The following FBXO46 variants were observed in gnomAD, a reference collection of about 807,000 sequenced individuals.
FBXO46 encodes the protein F-box protein 46.
Under a neutral mutation model 30.7 loss-of-function variants are expected in FBXO46, and 13 were observed. The observed-to-expected ratio is 0.42, with a 90% CI of 0.28 to 0.67. The LOEUF (loss-of-function observed/expected upper bound fraction) is 0.67, where lower values mean the gene tolerates loss of function less well. Among genes scored for constraint, FBXO46 ranks in the 30% least tolerant of loss-of-function variants. FBXO46 has a pLI of 0.21. For missense variants in FBXO46, 754 were observed against 871.5 expected, an observed-to-expected ratio of 0.87 and a Z score of 1.70; for synonymous variants, 467 against 385.8, an observed-to-expected ratio of 1.21 and a Z score of -2.47.
intron 1 of FBXO46, among the ~76,000 whole-genome samples, chr19:45,720,567 C>A (rs921847944): frequency 2.0e-5 from 3 of 152,204 alleles, no homozygotes; most frequent in African/African-American, 7.2e-5. Flanking sequence ...CTGTGCCCAG[C>A]CTATCCCAGC....
rs1312118839 is a variant in FBXO46 at position 45,711,847 on chromosome 19, T to C, written c.1649A>G (p.Lys550Arg). 1 of 1,613,498 alleles carries C rather than the reference T, an allele frequency of 6.2e-7. No individual in the cohort carries two copies. The highest frequency in any genetic ancestry group is 1.3e-5 in the African/African-American group (1 of 74,930). The change falls in exon 2 of 2, where the codon AAG becomes AGG. Residue 550 changes from lysine (K) to arginine (R), a missense_variant. Transcript: ENST00000317683. ...GDVSLCRWHP[K>R]PYHHDLPYGR... Reference sequence around the variant, plus strand: ...GTAAGGCAGGTCATGGTGGTAGGGCTTGGGGTGCCAGCGGCAGAGCGACAC... The same window carrying C: ...GTAAGGCAGGTCATGGTGGTAGGGCCTGGGGTGCCAGCGGCAGAGCGACAC...
At chr19:45,716,685 AAT>A (rs1968094781) in intron 1 of FBXO46, 1 of 136,988 alleles carries the variant, frequency 7.3e-6, no homozygotes, top group African/African-American at 2.9e-5. Context: ...AAACCATAAA[AAT>A]GTTTCACAAA....
At chr19:45,729,082 C>T (rs1968275759) in intron 1 of FBXO46, among the ~76,000 whole-genome samples, 1 of 150,984 alleles carries the variant, frequency 6.6e-6, no homozygotes, top group African/African-American at 2.4e-5. Flanking sequence ...GCCTGGGCAA[C>T]AAGAGCGAAA....
chr19:45,721,122 G>A (rs1968164777), intron 1 of FBXO46, among the ~76,000 whole-genome samples: 1 of 152,134 alleles, frequency 6.6e-6, no homozygotes. Context: ...GGGAAGCCGA[G>A]GCAGACAGAT....
At chr19:45,727,684 G>A (rs544215093) in intron 1 of FBXO46, among the ~76,000 whole-genome samples, 115 of 152,230 alleles carry the variant, frequency 7.6e-4, no homozygotes, top group African/African-American at 2.6e-3. Context: ...TCAACCATAA[G>A]CTTACTATCA....
Position 45,713,606 on chromosome 19 carries a change from G to A in FBXO46, c.-78-33C>T, listed in dbSNP as rs1313286450. 3.4e-6 allele frequency: 3 copies of A among 891,316 alleles called. No individual in the cohort carries two copies. The highest frequency in any genetic ancestry group is 5.1e-6 in the Non-Finnish European group (3 of 591,816). The allele number at this position is 891,316 out of a possible 1,614,324, so 55.2% of individuals were successfully genotyped here. ...CACGAAGAGGAGGTTGGGGAGCTAG[G>A]GGGACAGCCTTTCTTCCCAGGACCA... On this transcript the variant is annotated intron_variant, in intron 1 of 1. Coordinates refer to ENST00000317683, the MANE Select transcript of FBXO46 (RefSeq NM_001080469.2). This position sits in a 1 kb window ranked among gnomAD's most constrained non-coding sequence, Gnocchi z 4.7.
intron 1 of FBXO46, chr19:45,716,787 A>G (rs1435089861): frequency 3.9e-5 from 6 of 152,128 alleles, no homozygotes; most frequent in Non-Finnish European, 8.8e-5. Context: ...CTAGGTAGGT[A>G]CTGCGCTAAC....
intron 1 of FBXO46, among the ~76,000 whole-genome samples, chr19:45,721,259 C>T (rs951819638): frequency 2.0e-5 from 3 of 149,536 alleles, no homozygotes; most frequent in Non-Finnish European, 3.0e-5. Context: ...GTGGGAGGAT[C>T]GCTTGAGCCC....
intron 1 of FBXO46, among the ~76,000 whole-genome samples, chr19:45,722,062 G>A (rs944146475): frequency 6.6e-6 from 1 of 151,980 alleles, no homozygotes; most frequent in Admixed American, 6.6e-5. Context: ...GATCTCAGAT[G>A]ATCCACCCAC....
upstream of FBXO46, chr19:45,730,985 G>C (rs1252912829): frequency 6.6e-6 from 1 of 152,288 alleles, no homozygotes; most frequent in Non-Finnish European, 1.5e-5. Context: ...TCCCCCAGAA[G>C]GCAGCACGGT....
chr19:45,718,775 T>C (rs1968133545), intron 1 of FBXO46, among the ~76,000 whole-genome samples: 1 of 151,710 alleles, frequency 6.6e-6, no homozygotes, highest in Non-Finnish European at 1.5e-5. Flanking sequence ...TCCCCCACAC[T>C]GAGCCCAGCA....
intron 1 of FBXO46, among the ~76,000 whole-genome samples, chr19:45,729,391 C>T (rs1968279575): frequency 6.6e-6 from 1 of 152,182 alleles, no homozygotes; most frequent in Admixed American, 6.5e-5. Context: ...TACCACTGCA[C>T]TCCAGCCTGG....
At chr19:45,726,234 T>C (rs932505050) in intron 1 of FBXO46, among the ~76,000 whole-genome samples, 1 of 152,012 alleles carries the variant, frequency 6.6e-6, no homozygotes, top group Non-Finnish European at 1.5e-5. Flanking sequence ...GTCCCAGCTA[T>C]ACTCAGGAGG....
chr19:45,727,731 C>T (rs1033515725), intron 1 of FBXO46, among the ~76,000 whole-genome samples: 1 of 152,118 alleles, frequency 6.6e-6, no homozygotes, highest in Admixed American at 6.6e-5. Context: ...TCACAATAAA[C>T]CAAACTGTTT....
chr19:45,716,687 T>G (rs1011407635), intron 1 of FBXO46: 2 of 134,624 alleles, frequency 1.5e-5, no homozygotes, highest in Non-Finnish European at 3.1e-5. Flanking sequence ...ACCATAAAAA[T>G]GTTTCACAAA....
intron 1 of FBXO46, among the ~76,000 whole-genome samples, chr19:45,723,951 A>G (rs892580066): frequency 6.6e-6 from 1 of 152,198 alleles, no homozygotes; most frequent in African/African-American, 2.4e-5. Context: ...CAGCTTTACC[A>G]TAGCAGTTAG....
intron 1 of FBXO46, among the ~76,000 whole-genome samples, chr19:45,726,974 C>G (rs1160946096): frequency 6.6e-6 from 1 of 151,962 alleles, no homozygotes; most frequent in East Asian, 1.9e-4. Flanking sequence ...AATACTGAGG[C>G]TGGCTGGGCA....
chr19:45,723,083 G>GA, intron 1 of FBXO46, among the ~76,000 whole-genome samples: 1 of 151,826 alleles, frequency 6.6e-6, no homozygotes, highest in Non-Finnish European at 1.5e-5. Context: ...CATAAAAATT[G>GA]AAAGTGAAGG....
At chr19:45,732,588 C>CTTT (rs750349502), upstream of FBXO46, among the ~76,000 whole-genome samples, 1,118 of 86,922 alleles carry the variant, frequency 0.013, 45 homozygotes, top group African/African-American at 0.05. Flanking sequence ...CTTTTTTTTC[C>CTTT]TTTTTTTTTT....
Sources: gnomAD v4.1 joint callset for allele counts (sites outside exome capture counted in the v4.1 genomes callset) on GRCh38, gnomAD v4.1.1 for gene constraint, Gnocchi (gnomAD v3.1) non-coding constraint, MANE v1.5 for transcripts, NCBI Gene and HGNC (gene_info 2026-07-23, HGNC 2026-07-21) for gene names.